Variants in PRSS35 observed in about 807,000 individuals in gnomAD.
The protein encoded by PRSS35 is serine protease 35.
In PRSS35, 7 loss-of-function variants were observed where a neutral mutation model predicts 8.1. The ratio of observed to expected loss-of-function variants is 0.86; its 90% CI spans 0.49 to 1.62. The LOEUF (loss-of-function observed/expected upper bound fraction) is 1.62. Among genes scored for constraint, PRSS35 ranks in the 40% most tolerant of loss-of-function variants. The probability of loss-of-function intolerance (pLI) is 0.00; values close to 1 mark genes in which losing one functional copy is unlikely to be tolerated. For missense variants in PRSS35, 566 were observed against 518.0 expected (o/e 1.09, Z -0.90); for synonymous variants, 199 against 188.7 (o/e 1.05, Z -0.45).
chr6:83,514,765 C>T (rs546750281), intron 1 of PRSS35, among the ~76,000 whole-genome samples: 8 of 152,300 alleles, frequency 5.3e-5, no homozygotes, highest in Admixed American at 5.2e-4. Context: ...TGTGCTGGCA[C>T]TACAACTGTT....
At chr6:83,516,697 G>A (rs1268115154) in intron 1 of PRSS35, among the ~76,000 whole-genome samples, 1 of 150,906 alleles carries the variant, frequency 6.6e-6, no homozygotes, top group African/African-American at 2.4e-5. Context: ...CCTCCTTCTG[G>A]AAGTTCTAGG....
intron 1 of PRSS35, 125 bp from the exon 2 acceptor site, chr6:83,523,297 G>T: frequency 1.4e-6 from 1 of 701,654 alleles, no homozygotes; most frequent in Middle Eastern, 3.2e-4. Context: ...TAAAATCTAG[G>T]TAAGGTGAAA....
chr6:83,512,800 G>C (rs755201921), intron 1 of PRSS35, 106 bp downstream of exon 1: 3 of 152,200 alleles, frequency 2.0e-5, no homozygotes, highest in Non-Finnish European at 4.4e-5. Context: ...TTGAAGAAAG[G>C]GATCAAACTT....
At chr6:83,512,905 T>C (rs192823803) in intron 1 of PRSS35, among the ~76,000 whole-genome samples, 3 of 152,248 alleles carry the variant, frequency 2.0e-5, no homozygotes, top group Admixed American at 1.3e-4. Context: ...ACGACAACAA[T>C]GTTTGCATTG....
intron 1 of PRSS35, among the ~76,000 whole-genome samples, chr6:83,516,749 A>G (rs1771726859): frequency 2.0e-5 from 3 of 152,012 alleles, no homozygotes; most frequent in Admixed American, 2.0e-4. Flanking sequence ...GAGGCCACTC[A>G]TATTCCTCAG....
Position 83,524,206 on chromosome 6 carries a change from GAATA to G in PRSS35, c.766_769del (p.Asn256ProfsTer26). 1.2e-6 allele frequency: 2 copies of G among 1,614,120 alleles called. No individual in the cohort carries two copies. The highest frequency in any genetic ancestry group is 2.2e-5 in the South Asian group (2 of 91,082). On this transcript the variant is annotated frameshift_variant, in exon 2 of 2. Transcript: ENST00000369700. LOFTEE classifies it high-confidence loss of function. Reference sequence around the variant, plus strand: ...CTTCCTTTCAGTGGACCCGGGTCAAGAATACCCACATTCCGAAGGGCTGGGCACG... The same window carrying G: ...CTTCCTTTCAGTGGACCCGGGTCAAGCCCACATTCCGAAGGGCTGGGCACG...
intron 1 of PRSS35, among the ~76,000 whole-genome samples, chr6:83,519,556 A>G (rs1771784649): frequency 6.6e-6 from 1 of 152,164 alleles, no homozygotes; most frequent in African/African-American, 2.4e-5. Flanking sequence ...CACTGAACAA[A>G]CTGTGGATTG....
intron 1 of PRSS35, among the ~76,000 whole-genome samples, chr6:83,522,347 G>A (rs1395553079): frequency 6.6e-6 from 1 of 152,052 alleles, no homozygotes. Flanking sequence ...AAAGATGGCT[G>A]ATACATATCA....
At chr6:83,518,584 T>C (rs1771765200) in intron 1 of PRSS35, among the ~76,000 whole-genome samples, 1 of 152,182 alleles carries the variant, frequency 6.6e-6, no homozygotes, top group Non-Finnish European at 1.5e-5. Flanking sequence ...GTCTCTAAAG[T>C]GAAGCTGTCC....
chr6:83,519,203 T>C (rs1771776174), intron 1 of PRSS35, among the ~76,000 whole-genome samples: 1 of 152,238 alleles, frequency 6.6e-6, no homozygotes, highest in African/African-American at 2.4e-5. Context: ...TTCATCTACA[T>C]ACACAGATAT....
At chr6:83,513,073 T>G (rs1381962218) in intron 1 of PRSS35, among the ~76,000 whole-genome samples, 1 of 152,132 alleles carries the variant, frequency 6.6e-6, no homozygotes, top group African/African-American at 2.4e-5. Flanking sequence ...CCTCTACCCT[T>G]TTATCAACTT....
intron 1 of PRSS35, among the ~76,000 whole-genome samples, chr6:83,518,252 A>C (rs895308857): frequency 1.3e-5 from 2 of 152,206 alleles, no homozygotes; most frequent in Admixed American, 6.5e-5. Context: ...CTGAGCCTTA[A>C]GGTATAATGT....
intron 1 of PRSS35, among the ~76,000 whole-genome samples, chr6:83,514,341 A>G (rs1169050705): frequency 2.0e-5 from 3 of 152,220 alleles, no homozygotes; most frequent in Non-Finnish European, 2.9e-5. Flanking sequence ...ATTGAGATGT[A>G]CAGGTCATGG....
chr6:83,517,561 C>G (rs1000915286), intron 1 of PRSS35, among the ~76,000 whole-genome samples: 5 of 152,342 alleles, frequency 3.3e-5, no homozygotes, highest in African/African-American at 1.2e-4. Flanking sequence ...AATTCTCCCC[C>G]TCTCCTGCTG....
intron 1 of PRSS35, among the ~76,000 whole-genome samples, chr6:83,517,831 C>T (rs1771750581): frequency 6.6e-6 from 1 of 152,202 alleles, no homozygotes; most frequent in Admixed American, 6.5e-5. Context: ...TGTGTACTAA[C>T]ATACACACTA....
chr6:83,515,519 A>G (rs985452014), intron 1 of PRSS35, among the ~76,000 whole-genome samples: 3 of 152,186 alleles, frequency 2.0e-5, no homozygotes, highest in African/African-American at 4.8e-5. Flanking sequence ...GCTTTGAGAC[A>G]GGGTTGCCCT....
chr6:83,523,920 C>A lies in PRSS35; in HGVS notation c.479C>A (p.Ser160Tyr). 6.2e-7 allele frequency: 1 copy of A among 1,614,166 alleles called. No homozygotes were observed. Among genetic ancestry groups the A allele is most frequent in the South Asian group, 1.1e-5 (1 of 91,080 alleles). ...ACGGGCTGTAGTGGCATTCTCATTT[C>A]CCCTCAGCATGTTCTAACTGCTGCC... ...LSTGCSGILISPQHVLTAAHC... is the reference protein window; with the variant it reads ...LSTGCSGILIYPQHVLTAAHC... Residue 160 changes from serine (S) to tyrosine (Y), a missense_variant, in exon 2 of 2, where the codon TCC becomes TAC. Transcript: ENST00000369700.
chr6:83,522,557 C>G (rs1372376801), intron 1 of PRSS35, among the ~76,000 whole-genome samples: 2 of 152,018 alleles, frequency 1.3e-5, no homozygotes, highest in Admixed American at 6.6e-5. Flanking sequence ...ATTCTCATGT[C>G]CCCCCCAAAC....
chr6:83,520,232 C>T (rs1221866857), intron 1 of PRSS35, among the ~76,000 whole-genome samples: 2 of 152,094 alleles, frequency 1.3e-5, no homozygotes, highest in Non-Finnish European at 2.9e-5. Flanking sequence ...CCCGGGTAAG[C>T]CATCATCCTT....
Sources: gnomAD v4.1 joint callset for allele counts (sites outside exome capture counted in the v4.1 genomes callset) on GRCh38, gnomAD v4.1.1 for gene constraint, MANE v1.5 for transcripts, NCBI Gene and HGNC (gene_info 2026-07-23, HGNC 2026-07-21) for gene names.